PKIB: variants seen among roughly 807,000 people sequenced by gnomAD.
PKIB encodes PKI-beta.
In PKIB, 2 loss-of-function variants were observed where a neutral mutation model predicts 4.5. That is an observed-to-expected ratio of 0.44 (90% CI 0.18 to 1.39). The LOEUF (loss-of-function observed/expected upper bound fraction) is 1.39, where lower values mean the gene tolerates loss of function less well. Among genes scored for constraint, PKIB ranks in the 40% most tolerant of loss-of-function variants. The pLI, the probability that PKIB is intolerant of heterozygous loss-of-function variation, is 0.27. For missense variants in PKIB, 94 were observed against 92.6 expected (o/e 1.02, Z -0.06); for synonymous variants, 38 against 36.0 (o/e 1.06, Z -0.20).
chr6:122,666,961 T>G (rs7748607), intron 2 of PKIB, among the ~76,000 whole-genome samples: 52,301 of 151,544 alleles, frequency 0.35, 9,548 homozygotes, highest in Middle Eastern at 0.45. Flanking sequence ...TTTTTTTTTT[T>G]ATGGCTTTTG....
chr6:122,650,942 C>T (rs566804248), intron 2 of PKIB, among the ~76,000 whole-genome samples: 81 of 152,298 alleles, frequency 5.3e-4, no homozygotes, highest in Middle Eastern at 6.8e-3. Context: ...TTTCAGCCAA[C>T]GAACCAAACT....
At chr6:122,572,287 A>G (rs1773390326) in intron 2 of PKIB, among the ~76,000 whole-genome samples, 1 of 152,104 alleles carries the variant, frequency 6.6e-6, no homozygotes, top group South Asian at 2.1e-4. Flanking sequence ...GAGCTCCAAG[A>G]TTTATAAAAC....
rs117593973 is a variant in PKIB at position 122,585,257 on chromosome 6, C to T, written c.-247-664C>T. ...GCCAAGAACCCTCCTGGGCTAAGCC[C>T]CAATTTTAAGACTTGTCTGCCCTGC... On this transcript the variant is annotated intron_variant, in intron 2 of 6. Coordinates refer to the PKIB transcript ENST00000392491. Among the ~76,000 whole-genome samples, 310 of 152,212 alleles carry T rather than the reference C, an allele frequency of 2.0e-3. 7 individuals carry two copies. In the East Asian group the frequency reaches 0.042, roughly 20 times the overall value.
At chr6:122,656,153 A>G (rs942157567) in intron 2 of PKIB, among the ~76,000 whole-genome samples, 1 of 152,220 alleles carries the variant, frequency 6.6e-6, no homozygotes, top group Non-Finnish European at 1.5e-5. Flanking sequence ...ACAATTGACT[A>G]TGCAACTATT....
At chr6:122,496,391 G>A (rs1776076891) in intron 2 of PKIB, among the ~76,000 whole-genome samples, 1 of 152,100 alleles carries the variant, frequency 6.6e-6, no homozygotes, top group Non-Finnish European at 1.5e-5. Flanking sequence ...AACCAAAATG[G>A]AAGCTCAGAA....
intron 2 of PKIB, among the ~76,000 whole-genome samples, chr6:122,560,803 T>C (rs1772989967): frequency 6.6e-6 from 1 of 152,090 alleles, no homozygotes; most frequent in Non-Finnish European, 1.5e-5. Context: ...TATTTATCTC[T>C]TCTAAGTTTT....
At chr6:122,659,258 T>A (rs891434049) in intron 2 of PKIB, among the ~76,000 whole-genome samples, 1 of 152,194 alleles carries the variant, frequency 6.6e-6, no homozygotes, top group Non-Finnish European at 1.5e-5. Flanking sequence ...GAATGTATTT[T>A]TAAATGTCTA....
Position 122,633,784 on chromosome 6 carries a change from C to G in PKIB, c.-76+417C>G, listed in dbSNP as rs9490505. Among the ~76,000 whole-genome samples, 808 of 152,272 alleles carry G rather than the reference C, an allele frequency of 5.3e-3. 12 individuals are homozygous for G. The highest frequency in any genetic ancestry group is 0.018 in the African/African-American group (766 of 41,562). ...AAACTGACTGCTTTTCTTATTACTACTCTCCTCAGAGACCATAGTAATAGA... is the reference window on the plus strand; with the variant it reads ...AAACTGACTGCTTTTCTTATTACTAGTCTCCTCAGAGACCATAGTAATAGA... On this transcript the variant is annotated intron_variant, in intron 2 of 4. Transcript: ENST00000368452.
intron 3 of PKIB, among the ~76,000 whole-genome samples, chr6:122,700,791 A>G (rs1217869305): frequency 6.6e-6 from 1 of 152,204 alleles, no homozygotes; most frequent in African/African-American, 2.4e-5. Flanking sequence ...ATGGGAAAAC[A>G]TTAGGGAGCT....
At chr6:122,603,418 A>C (rs935349947) in intron 3 of PKIB, among the ~76,000 whole-genome samples, 3 of 152,210 alleles carry the variant, frequency 2.0e-5, no homozygotes, top group African/African-American at 7.2e-5. Context: ...CTTAGATTTT[A>C]TGTATCCGTG....
intron 2 of PKIB, among the ~76,000 whole-genome samples, chr6:122,657,509 T>G (rs1222436400): frequency 6.6e-6 from 1 of 152,256 alleles, no homozygotes; most frequent in Non-Finnish European, 1.5e-5. Context: ...ATTTTGGAGC[T>G]AACTTGGCTT....
At position 122,513,326 on chromosome 6, in the gene PKIB, G is replaced by A. The variant is rs1776645037; in HGVS notation, c.-248+35387G>A. On this transcript the variant is annotated intron_variant, in intron 2 of 6. Transcript: ENST00000392491. ...CTGAACAGAAGCTTTCCGTTGTGTAGTTTCACCAGCTCTCTTGCTTTTACT... is the reference window on the plus strand; with the variant it reads ...CTGAACAGAAGCTTTCCGTTGTGTAATTTCACCAGCTCTCTTGCTTTTACT... Among the ~76,000 whole-genome samples, 4 of 152,132 alleles carry A rather than the reference G, an allele frequency of 2.6e-5. No homozygotes were observed. In the South Asian group the frequency reaches 8.3e-4, roughly 32 times the overall value.
rs574400899 is a variant in PKIB at position 122,584,888 on chromosome 6, A to T, written c.-247-1033A>T. Among the ~76,000 whole-genome samples the T allele has an allele frequency of 5.9e-5, 9 of 152,214 alleles. No individual in the cohort carries two copies. In the East Asian group the frequency reaches 1.7e-3, roughly 29 times the overall value. ...GGTAAAACAGGGATGGGGCAGAAAC[A>T]TCTCTCCATAAGACAAGCCCACCAA... On this transcript the variant is annotated intron_variant, in intron 2 of 6. Coordinates refer to the PKIB transcript ENST00000392491.
At chr6:122,537,967 A>G (rs1777459456) in intron 2 of PKIB, among the ~76,000 whole-genome samples, 1 of 152,120 alleles carries the variant, frequency 6.6e-6, no homozygotes, top group East Asian at 1.9e-4. Context: ...TTGGCTGCAT[A>G]AATATCTTCT....
At chr6:122,509,040 C>T (rs547070561) in intron 2 of PKIB, among the ~76,000 whole-genome samples, 34 of 152,214 alleles carry the variant, frequency 2.2e-4, no homozygotes, top group African/African-American at 5.1e-4. Context: ...TGAGCCACCG[C>T]GCCCGGCCTA....
chr6:122,684,559 AT>A (rs1778022688), intron 3 of PKIB, among the ~76,000 whole-genome samples: 1 of 151,976 alleles, frequency 6.6e-6, no homozygotes, highest in Non-Finnish European at 1.5e-5. Context: ...CTTGAAAAAA[AT>A]TATAGAAACC....
chr6:122,515,391 A>G (rs1776716562), intron 2 of PKIB, among the ~76,000 whole-genome samples: 1 of 152,222 alleles, frequency 6.6e-6, no homozygotes, highest in Admixed American at 6.5e-5. Context: ...TTTATAATTT[A>G]TAAAACAGAA....
At chr6:122,678,961 C>A (rs931168379) in intron 3 of PKIB, among the ~76,000 whole-genome samples, 3 of 152,196 alleles carry the variant, frequency 2.0e-5, no homozygotes, top group African/African-American at 7.2e-5. Context: ...AAGAGGGACA[C>A]TGCAACACGT....
chr6:122,647,036 A>G (rs1040180961), intron 2 of PKIB, among the ~76,000 whole-genome samples: 7 of 152,144 alleles, frequency 4.6e-5, no homozygotes, highest in Non-Finnish European at 8.8e-5. Flanking sequence ...TCAGGCTTCC[A>G]CCAGAGAAAC....
Sources: gnomAD v4.1 joint callset for allele counts (sites outside exome capture counted in the v4.1 genomes callset) on GRCh38, gnomAD v4.1.1 for gene constraint, MANE v1.5 for transcripts, NCBI Gene and HGNC (gene_info 2026-07-23, HGNC 2026-07-21) for gene names.